MEI4: variants seen among roughly 807,000 people sequenced by gnomAD.
The protein encoded by MEI4 is meiotic double-stranded break formation protein 4, also known as meiosis-specific protein MEI4.
MEI4 carries 27 observed loss-of-function variants against 31.4 expected under a neutral mutation model. The ratio of observed to expected loss-of-function variants is 0.86; its 90% CI spans 0.63 to 1.19. The LOEUF is 1.19. MEI4 is among the 50% of genes most tolerant of loss of function. The pLI is 0.00. For synonymous variants in MEI4, 122 were observed against 145.4 expected (o/e 0.84, Z 1.16); for missense variants, 329 against 398.9 (o/e 0.82, Z 1.49).
chr6:77,828,960 T>C lies in MEI4; in HGVS notation c.798T>C (p.Ser266=). 8.1e-7 allele frequency: 1 copy of C among 1,232,228 alleles called. No individual in the cohort carries two copies. The highest frequency in any genetic ancestry group is 1.0e-6 in the Non-Finnish European group (1 of 987,916). 76.3% of individuals were successfully genotyped at this position (1,232,228 alleles called of 1,614,324 possible). A position where few individuals can be genotyped will look rare whatever the true frequency, so the allele number is the denominator to read the frequency against. Reference sequence around the variant, plus strand: ...AGGTGCAGCATTATGTCTCTCAGAGTCTGGTTACCTTGGGAAATTGCAGCT... The same window carrying C: ...AGGTGCAGCATTATGTCTCTCAGAGCCTGGTTACCTTGGGAAATTGCAGCT... The part of the protein sequence containing the change: ...QFQVQHYVSQ[S]LVTLGNCSLL... Residue 266 remains serine, a synonymous_variant, in exon 4 of 5, where the codon AGT becomes AGC. Coordinates refer to ENST00000684080, the MANE Select transcript of MEI4 (RefSeq NM_001322247.2).
chr6:77,693,750 G>C (rs1052371262), intron 2 of MEI4, among the ~76,000 whole-genome samples: 10 of 152,026 alleles, frequency 6.6e-5, no homozygotes, highest in Non-Finnish European at 1.5e-4. Flanking sequence ...GGAAGAACAT[G>C]GCAGTTATGT....
intron 2 of MEI4, among the ~76,000 whole-genome samples, chr6:77,732,843 G>C (rs1342145014): frequency 6.6e-6 from 1 of 152,016 alleles, no homozygotes; most frequent in Non-Finnish European, 1.5e-5. Context: ...ATGAAGAGTT[G>C]TTGAATTTTG....
At chr6:77,889,804 C>T (rs1227934527) in intron 4 of MEI4, among the ~76,000 whole-genome samples, 1 of 152,158 alleles carries the variant, frequency 6.6e-6, no homozygotes, top group Non-Finnish European at 1.5e-5. Flanking sequence ...GAACATAGTG[C>T]CCTGTGTCTC....
intron 4 of MEI4, among the ~76,000 whole-genome samples, chr6:77,911,037 G>T (rs1265475728): frequency 1.4e-5 from 2 of 138,702 alleles, no homozygotes; most frequent in Non-Finnish European, 3.1e-5. Context: ...GCATTTTTTT[G>T]TATAACTGTT....
rs78329731 is a variant in MEI4 at position 77,828,411 on chromosome 6, T to C, written c.769-520T>C. ...GGAGTGCAAACCCTATTGTGAACTG[T>C]GCATGCAAGGGATCTAGGTTGCACA... On this transcript the variant is annotated intron_variant, in intron 3 of 4. Transcript: ENST00000684080. Among the ~76,000 whole-genome samples, 1,279 of 152,154 alleles carry C rather than the reference T, an allele frequency of 8.4e-3. 13 individuals are homozygous for C. The highest frequency in any genetic ancestry group is 0.029 in the African/African-American group (1,184 of 41,504).
chr6:77,708,430 ACTTGT>A (rs1203092581), intron 2 of MEI4, among the ~76,000 whole-genome samples: 1 of 152,192 alleles, frequency 6.6e-6, no homozygotes, highest in African/African-American at 2.4e-5. Context: ...GGTAGAAGGA[ACTTGT>A]CTTGAGTCTC....
intron 2 of MEI4, among the ~76,000 whole-genome samples, chr6:77,734,778 G>T (rs544145773): frequency 2.0e-5 from 3 of 152,060 alleles, no homozygotes; most frequent in African/African-American, 7.2e-5. Flanking sequence ...GTTACTGGTT[G>T]TTCCTTTCCG....
intron 1 of MEI4, among the ~76,000 whole-genome samples, chr6:77,679,598 C>T (rs919403020): frequency 2.0e-5 from 3 of 152,094 alleles, no homozygotes; most frequent in Non-Finnish European, 4.4e-5. Flanking sequence ...GATGAGAAGA[C>T]AGCAGTTGTT....
intron 4 of MEI4, among the ~76,000 whole-genome samples, chr6:77,877,715 CT>C (rs56798153): frequency 1.4e-3 from 180 of 125,850 alleles, no homozygotes; most frequent in East Asian, 9.6e-3. Flanking sequence ...AGCAGTCAGC[CT>C]TTTTTTTTTT....
chr6:77,807,667 A>G (rs1299936319), intron 3 of MEI4, among the ~76,000 whole-genome samples: 1 of 152,172 alleles, frequency 6.6e-6, no homozygotes, highest in African/African-American at 2.4e-5. Flanking sequence ...CTTAAAAGGT[A>G]GCTTGAACAG....
At chr6:77,778,564 G>T (rs1188984358) in intron 3 of MEI4, among the ~76,000 whole-genome samples, 1 of 151,730 alleles carries the variant, frequency 6.6e-6, no homozygotes, top group African/African-American at 2.4e-5. Flanking sequence ...TAGCTGGGCG[G>T]TATGGCGAGC....
intron 4 of MEI4, among the ~76,000 whole-genome samples, chr6:77,892,874 T>C (rs1038307685): frequency 6.6e-6 from 1 of 151,992 alleles, no homozygotes; most frequent in Admixed American, 6.6e-5. Flanking sequence ...TGCTTGGATC[T>C]TGGGGCGTGT....
intron 2 of MEI4, among the ~76,000 whole-genome samples, chr6:77,706,315 G>C (rs1042762773): frequency 6.6e-6 from 1 of 152,162 alleles, no homozygotes; most frequent in Non-Finnish European, 1.5e-5. Flanking sequence ...CACAAGGAAT[G>C]AGTGCCACAC....
chr6:77,751,349 T>C (rs1258650258), intron 2 of MEI4, among the ~76,000 whole-genome samples: 1 of 149,690 alleles, frequency 6.7e-6, no homozygotes, highest in African/African-American at 2.5e-5. Flanking sequence ...TTTGAAAAGA[T>C]CAAGAAAACA....
chr6:77,903,034 G>A (rs1036632802), intron 4 of MEI4, among the ~76,000 whole-genome samples: 12 of 152,042 alleles, frequency 7.9e-5, no homozygotes, highest in Non-Finnish European at 1.5e-4. Flanking sequence ...TATTTATTCC[G>A]ACATTTTTCG....
At chr6:77,827,690 A>G (rs1445971146) in intron 3 of MEI4, among the ~76,000 whole-genome samples, 1 of 152,210 alleles carries the variant, frequency 6.6e-6, no homozygotes, top group East Asian at 1.9e-4. Flanking sequence ...GGACCACAGT[A>G]GCCTCACATA....
In MEI4 at chr6:77,886,560, A is replaced by T. The variant is rs1351431371; in HGVS notation, c.901-36529A>T. 1.6e-4 allele frequency among the ~76,000 whole-genome samples: 24 copies of T among 152,082 alleles called. No individual in the cohort carries two copies. The East Asian group carries it at 3.3e-3, about 21-fold the overall frequency. ...ATTCTCCTGCCTCAGCCTCCCAAGT[A>T]GCTGGAATTACAGGCACCCACAACC... On this transcript the variant is annotated intron_variant, in intron 4 of 4. Coordinates refer to ENST00000684080, the MANE Select transcript of MEI4 (RefSeq NM_001322247.2).
upstream of MEI4, among the ~76,000 whole-genome samples, chr6:77,650,372 T>C (rs1001024003): frequency 1.3e-5 from 2 of 152,184 alleles, no homozygotes; most frequent in East Asian, 1.9e-4. Flanking sequence ...CAGGGTCTTC[T>C]GGGGCTTGTG....
At chr6:77,787,279 C>T (rs879538134) in intron 3 of MEI4, among the ~76,000 whole-genome samples, 5 of 152,314 alleles carry the variant, frequency 3.3e-5, no homozygotes, top group Admixed American at 3.3e-4. Context: ...CCACATTCAT[C>T]TGTGCACCTG....
Sources: allele counts gnomAD v4.1 joint callset (sites outside exome capture counted in the v4.1 genomes callset), GRCh38; gene constraint gnomAD v4.1.1; transcripts MANE v1.5; gene names NCBI Gene and HGNC (gene_info 2026-07-23, HGNC 2026-07-21).